Variants in NOSTRIN observed in about 807,000 individuals in gnomAD.
NOSTRIN encodes the protein BM247 homolog.
NOSTRIN carries 63 observed loss-of-function variants against 59.0 expected under a neutral mutation model. The ratio of observed to expected loss-of-function variants is 1.07; its 90% CI spans 0.87 to 1.32. The LOEUF (loss-of-function observed/expected upper bound fraction) is 1.32. Ranked by LOEUF, NOSTRIN falls within the 40% of genes most tolerant of loss-of-function variation. The pLI is 0.00. For synonymous variants in NOSTRIN, 200 were observed against 165.4 expected (o/e 1.21, Z -1.61); for missense variants, 512 against 473.1 (o/e 1.08, Z -0.76).
Position 168,831,479 on chromosome 2 carries a change from A to G in NOSTRIN, c.350A>G (p.Asn117Ser), listed in dbSNP as rs993225207. ...TTTTTCCTTTTTCAATAGCTTGACA[A>G]TGAAGTTGAAAAGACAGCAAATCTT... is the stretch of plus-strand genomic sequence containing the variant. Reference protein sequence around the residue: ...VQEKKRKSLDNEVEKTANLVI... With the variant: ...VQEKKRKSLDSEVEKTANLVI... The change falls in exon 6 of 16, where the codon AAT becomes AGT. Residue 117 changes from asparagine (N) to serine (S), a missense_variant. Coordinates refer to ENST00000317647, the MANE Select transcript of NOSTRIN (RefSeq NM_001039724.4). The G allele has an allele frequency of 5.8e-6, 5 of 865,242 alleles. No homozygotes were observed. Among genetic ancestry groups the G allele is most frequent in the Admixed American group, 3.4e-5 (2 of 59,122 alleles). The allele number at this position is 865,242 out of a possible 1,614,324, so 53.6% of individuals were successfully genotyped here.
rs937903061 is a variant in NOSTRIN at position 168,824,701 on chromosome 2, C to T, written c.181C>T (p.Gln61Ter). The T allele has an allele frequency of 1.1e-6, 1 of 872,706 alleles. No homozygotes were observed. Among genetic ancestry groups the T allele is most frequent in the South Asian group, 1.3e-5 (1 of 76,538 alleles). 54.1% of individuals were successfully genotyped at this position (872,706 alleles called of 1,614,324 possible). A position where few individuals can be genotyped will look rare whatever the true frequency, so the allele number is the denominator to read the frequency against. ...GGCAAGCAAGCTGAGCAAAGCATTA[C>T]AGAACACGAGAAAAAGGTAAGTATT... ...KLASKLSKAL[Q>*]NTRKSCVSSA... Residue 61 changes from glutamine to a stop codon, truncating the protein, a stop_gained, in exon 3 of 16, where the codon CAG (glutamine) becomes TAG (stop). Coordinates refer to ENST00000317647, the MANE Select transcript of NOSTRIN (RefSeq NM_001039724.4). LOFTEE classifies it high-confidence loss of function.
At chr2:168,788,563 G>A (rs1159152573) in intron 2 of NOSTRIN, among the ~76,000 whole-genome samples, 2 of 152,146 alleles carry the variant, frequency 1.3e-5, no homozygotes, top group Non-Finnish European at 2.9e-5. Context: ...CAAGCAGGGT[G>A]ATGAGGCCAT....
At chr2:168,833,923 G>T (rs1159644595) in intron 6 of NOSTRIN, among the ~76,000 whole-genome samples, 1 of 152,204 alleles carries the variant, frequency 6.6e-6, no homozygotes, top group Non-Finnish European at 1.5e-5. Flanking sequence ...TTATTTTGGA[G>T]GCTTGCAGGC....
At chr2:168,851,605 A>G (rs1008603337) in intron 10 of NOSTRIN, among the ~76,000 whole-genome samples, 1 of 152,208 alleles carries the variant, frequency 6.6e-6, no homozygotes. Context: ...CTAGAAGTAA[A>G]GAAAGTCAAG....
chr2:168,850,322 A>G (rs1057278502), intron 8 of NOSTRIN, among the ~76,000 whole-genome samples: 2 of 152,230 alleles, frequency 1.3e-5, no homozygotes, highest in Non-Finnish European at 2.9e-5. Context: ...CATCTCACAC[A>G]AAATAAAGAG....
At position 168,825,035 on chromosome 2, in the gene NOSTRIN, A is replaced by T. The variant is rs149567517; in HGVS notation, c.197+318A>T. 1.3e-3 allele frequency among the ~76,000 whole-genome samples: 203 copies of T among 152,330 alleles called. 1 individual carries two copies. The highest frequency in any genetic ancestry group is 4.6e-3 in the African/African-American group (193 of 41,568). On this transcript the variant is annotated intron_variant, in intron 3 of 15. Transcript: ENST00000317647. ...TGGCCTTCCAAAGTTCTGGGATTAC[A>T]TGTGTGAGCCACCACACCCAGCAAA... is the stretch of plus-strand genomic sequence containing the variant.
At chr2:168,817,330 A>G (rs1686464401) in intron 2 of NOSTRIN, among the ~76,000 whole-genome samples, 1 of 152,220 alleles carries the variant, frequency 6.6e-6, no homozygotes, top group Non-Finnish European at 1.5e-5. Context: ...AGCAGCAGTC[A>G]TGAAGCCCAG....
intron 7 of NOSTRIN, among the ~76,000 whole-genome samples, chr2:168,841,758 A>T (rs1000296896): frequency 2.0e-5 from 3 of 152,204 alleles, no homozygotes; most frequent in African/African-American, 7.2e-5. Flanking sequence ...TGAATAGGAG[A>T]AAAGGCATAC....
intron 1 of NOSTRIN, among the ~76,000 whole-genome samples, chr2:168,805,697 G>T (rs1685815791): frequency 6.6e-6 from 1 of 152,106 alleles, no homozygotes; most frequent in Non-Finnish European, 1.5e-5. Context: ...ATCGGCCATT[G>T]AAATGGCACC....
chr2:168,854,017 A>G (rs933312694), intron 10 of NOSTRIN, among the ~76,000 whole-genome samples: 2 of 152,056 alleles, frequency 1.3e-5, no homozygotes, highest in African/African-American at 4.8e-5. Context: ...ACAGGTGCAC[A>G]CCACCACGCC....
chr2:168,802,353 T>A, upstream of NOSTRIN: 1 of 356,926 alleles, frequency 2.8e-6, no homozygotes, highest in Non-Finnish European at 5.3e-6. Context: ...ACAGCTTCTC[T>A]GCCTTCTCTC....
At chr2:168,813,330 G>A (rs574418048) in intron 2 of NOSTRIN, among the ~76,000 whole-genome samples, 2 of 152,222 alleles carry the variant, frequency 1.3e-5, no homozygotes, top group African/African-American at 4.8e-5. Flanking sequence ...TTAGTGCCTG[G>A]TAGAGAGCTG....
chr2:168,795,891 T>C (rs987632186), upstream of NOSTRIN, among the ~76,000 whole-genome samples: 11 of 152,242 alleles, frequency 7.2e-5, no homozygotes, highest in Admixed American at 5.9e-4. Context: ...TACTCATAAG[T>C]GCTTCTAAGT....
Position 168,834,247 on chromosome 2 carries a change from T to C in NOSTRIN, c.426T>C (p.Val142=). 1 of 872,896 alleles carries C rather than the reference T, an allele frequency of 1.1e-6. No homozygotes were observed. The allele number at this position is 872,896 out of a possible 1,614,324, so 54.1% of individuals were successfully genotyped here. The part of the protein sequence containing the change: ...QQIKAKKKLM[V]STKKHEALFQ... ...TCTAGGCCAAGAAGAAATTAATGGT[T>C]AGTACCAAGAAACATGAAGCACTTT... Residue 142 remains valine, a synonymous_variant, in exon 7 of 16, where the codon GTT becomes GTC. Coordinates refer to ENST00000317647, the MANE Select transcript of NOSTRIN (RefSeq NM_001039724.4).
chr2:168,832,860 G>T (rs991425180), intron 6 of NOSTRIN, among the ~76,000 whole-genome samples: 3 of 152,110 alleles, frequency 2.0e-5, no homozygotes, highest in African/African-American at 7.2e-5. Flanking sequence ...GGGCACAAGG[G>T]ATCTGCCCAC....
chr2:168,789,898 T>A (rs1193008576), intron 2 of NOSTRIN, among the ~76,000 whole-genome samples: 1 of 152,110 alleles, frequency 6.6e-6, no homozygotes, highest in Non-Finnish European at 1.5e-5. Context: ...ACTGGTCTCA[T>A]AAAAGAGCTT....
chr2:168,799,449 G>A (rs1434766206), upstream of NOSTRIN, among the ~76,000 whole-genome samples: 1 of 152,096 alleles, frequency 6.6e-6, no homozygotes, highest in Non-Finnish European at 1.5e-5. Flanking sequence ...TCACATGCTC[G>A]GGGACAAATG....
chr2:168,865,152 G>A lies in NOSTRIN; in HGVS notation c.*182G>A. 3.0e-6 allele frequency: 2 copies of A among 661,286 alleles called. No individual in the cohort carries two copies. Among genetic ancestry groups the A allele is most frequent in the East Asian group, 2.9e-5 (1 of 34,794 alleles). 41.0% of individuals were successfully genotyped at this position (661,286 alleles called of 1,614,324 possible). A position where few individuals can be genotyped will look rare whatever the true frequency, so the allele number is the denominator to read the frequency against. ...TGAAACAGTCAGAAAAAAGATGGAT[G>A]GGTGGAGACAGACAAGGAAGAGGCT... On this transcript the variant is annotated 3_prime_UTR_variant, in exon 16 of 16. Coordinates refer to ENST00000317647, the MANE Select transcript of NOSTRIN (RefSeq NM_001039724.4).
At chr2:168,829,431 C>G (rs1171060000) in intron 5 of NOSTRIN, among the ~76,000 whole-genome samples, 1 of 152,158 alleles carries the variant, frequency 6.6e-6, no homozygotes, top group South Asian at 2.1e-4. Flanking sequence ...AGTGACTTGC[C>G]TGCCTCAGCC....
Sources: allele counts gnomAD v4.1 joint callset (sites outside exome capture counted in the v4.1 genomes callset), GRCh38; gene constraint gnomAD v4.1.1; transcripts MANE v1.5; gene names NCBI Gene and HGNC (gene_info 2026-07-23, HGNC 2026-07-21).